The following KDM8 variants were observed in gnomAD, a reference collection of about 807,000 sequenced individuals.
KDM8 encodes the protein lysine demethylase 8.
A neutral mutation model predicts 46.9 loss-of-function variants in KDM8; 35 were observed. That is an observed-to-expected ratio of 0.75 (90% CI 0.57 to 0.99). The LOEUF is 0.99. KDM8 is among the 50% of genes least tolerant of loss of function. KDM8 has a pLI of 0.00. For missense variants in KDM8, 475 were observed against 537.0 expected (o/e 0.88, Z 1.14); for synonymous variants, 232 against 227.7 (o/e 1.02, Z -0.17).
chr16:27,218,572 T>C (rs1241596508), intron 5 of KDM8, among the ~76,000 whole-genome samples: 1 of 152,236 alleles, frequency 6.6e-6, no homozygotes, highest in Admixed American at 6.5e-5. Context: ...CCGGGTGCGG[T>C]GGCTCACGCC....
Position 27,210,185 on chromosome 16 carries a change from C to T in KDM8, c.62C>T (p.Ala21Val), listed in dbSNP as rs2083467375. 1 of 1,613,416 alleles carries T rather than the reference C, an allele frequency of 6.2e-7. No individual in the cohort carries two copies. The highest frequency in any genetic ancestry group is 8.5e-7 in the Non-Finnish European group (1 of 1,180,032). Residue 21 changes from alanine (A) to valine (V), a missense_variant, in exon 2 of 8, where the codon GCC (alanine) becomes GTC (valine). Transcript: ENST00000286096. The stretch of plus-strand genomic sequence containing the variant: ...GCCAGAGAAGGCACTTTATGGGAGG[C>T]CCTCAGGGCGCTCCTGCCGCACAGT... ...PLAREGTLWE[A>V]LRALLPHSKE...
intron 6 of KDM8, 21 bp downstream of exon 6, chr16:27,219,131 A>AGT (rs748499203): frequency 2.5e-6 from 4 of 1,588,414 alleles, no homozygotes; most frequent in Non-Finnish European, 3.4e-6. Context: ...CAGCTGGAAT[A>AGT]GTGGCCTTCT....
chr16:27,213,141 T>C (rs1480700152), intron 2 of KDM8, among the ~76,000 whole-genome samples: 1 of 152,118 alleles, frequency 6.6e-6, no homozygotes, highest in Non-Finnish European at 1.5e-5. Flanking sequence ...AAACTGCTTT[T>C]GATAAATGAT....
chr16:27,217,511 C>G (rs1014374334), intron 5 of KDM8, among the ~76,000 whole-genome samples: 1 of 152,228 alleles, frequency 6.6e-6, no homozygotes, highest in Non-Finnish European at 1.5e-5. Context: ...GGAGGAACCC[C>G]TCACAGCCCT....
intron 1 of KDM8, among the ~76,000 whole-genome samples, chr16:27,208,254 C>A (rs930692083): frequency 3.3e-5 from 5 of 152,220 alleles, no homozygotes; most frequent in African/African-American, 1.2e-4. Context: ...CATGAGGCCA[C>A]CCTGGGAGGC....
Position 27,220,570 on chromosome 16 carries a change from A to T in KDM8, c.1091A>T (p.Asp364Val). The change falls in exon 8 of 8, where the codon GAC (aspartate) becomes GTC (valine). Residue 364 changes from aspartate to valine, a missense_variant. By Grantham distance (152) the Asp-to-Val change is radical. Coordinates refer to ENST00000286096, the MANE Select transcript of KDM8 (RefSeq NM_024773.3). ...THLLHNTSQV[D>V]VENPDLEKFP... Reference sequence around the variant, plus strand: ...GACGTCCTTTGCTTTCTTCAGGTTGACGTGGAGAATCCCGACCTGGAAAAG... The same window carrying T: ...GACGTCCTTTGCTTTCTTCAGGTTGTCGTGGAGAATCCCGACCTGGAAAAG... The T allele has an allele frequency of 6.2e-7, 1 of 1,614,056 alleles. No individual in the cohort carries two copies. Among genetic ancestry groups the T allele is most frequent in the Non-Finnish European group, 8.5e-7 (1 of 1,180,002 alleles).
At chr16:27,217,098 C>G (rs1166864055) in intron 5 of KDM8, among the ~76,000 whole-genome samples, 1 of 152,178 alleles carries the variant, frequency 6.6e-6, no homozygotes, top group African/African-American at 2.4e-5. Flanking sequence ...GAGTGTCTAC[C>G]ATGCTGTGGA....
In KDM8 at chr16:27,206,791, C is replaced by T. The variant is rs62028350; in HGVS notation, c.-32+3155C>T. Among the ~76,000 whole-genome samples the T allele has an allele frequency of 8.9e-3, 1,350 of 152,270 alleles. 6 individuals are homozygous for T. The highest frequency in any genetic ancestry group is 0.031 in the Middle Eastern group (9 of 292). ...GCAGTGACCTGTGGCTCGCACCTGACCTTCCCAGGAGGGCCATCTCAAGTG... is the reference window on the plus strand; with the variant it reads ...GCAGTGACCTGTGGCTCGCACCTGATCTTCCCAGGAGGGCCATCTCAAGTG... On this transcript the variant is annotated intron_variant, in intron 1 of 7. Transcript: ENST00000286096.
chr16:27,211,439 G>T, intron 2 of KDM8: 1 of 298,154 alleles, frequency 3.4e-6, no homozygotes, highest in Non-Finnish European at 6.7e-6. Flanking sequence ...AACAGAGCAT[G>T]GTTTACTCTG....
chr16:27,215,802 A>G lies in KDM8; in HGVS notation c.799-143A>G, dbSNP rs1273744129. On this transcript the variant is annotated intron_variant, in intron 4 of 7. Transcript: ENST00000286096. ...TCTTTGAAGCTGCCCCAGGGCCTCT[A>G]AGGGTTGGAGAGGACCACTCAGGAT... 1.2e-5 allele frequency: 10 copies of G among 823,218 alleles called. No individual in the cohort carries two copies. The East Asian group carries it at 2.2e-4, about 18-fold the overall frequency. 51.0% of individuals were successfully genotyped at this position (823,218 alleles called of 1,614,324 possible). A position where few individuals can be genotyped will look rare whatever the true frequency, so the allele number is the denominator to read the frequency against.
chr16:27,220,511 G>A (rs185632171), intron 7 of KDM8, 26 bp downstream of exon 7: 10 of 1,613,606 alleles, frequency 6.2e-6, no homozygotes, highest in East Asian at 4.5e-5. Context: ...CTGGGGTGAC[G>A]TTGCAGGTTC....
intron 5 of KDM8, 73 bp downstream of exon 5, chr16:27,216,062 C>A: frequency 6.6e-7 from 1 of 1,522,828 alleles, no homozygotes; most frequent in Non-Finnish European, 9.1e-7. Context: ...GGGCTCAGTG[C>A]GGCTGGAGCA....
chr16:27,218,195 T>G (rs1193377849), intron 5 of KDM8, among the ~76,000 whole-genome samples: 1 of 151,850 alleles, frequency 6.6e-6, no homozygotes, highest in Non-Finnish European at 1.5e-5. Context: ...GGCAGGAGGA[T>G]CGCTTAAGCT....
chr16:27,220,031 A>G (rs768344180), intron 6 of KDM8, among the ~76,000 whole-genome samples: 2 of 152,124 alleles, frequency 1.3e-5, no homozygotes, highest in Non-Finnish European at 2.9e-5. Flanking sequence ...CCTGGGCAAC[A>G]TATTAAAACC....
intron 1 of KDM8, among the ~76,000 whole-genome samples, chr16:27,206,762 A>G (rs1321801045): frequency 6.6e-6 from 1 of 152,224 alleles, no homozygotes; most frequent in Non-Finnish European, 1.5e-5. Context: ...GGCCATTCAG[A>G]AAGGCAGTGA....
At chr16:27,204,043 C>T (rs2083403373) in intron 1 of KDM8, 1 of 1,503,944 alleles carries the variant, frequency 6.6e-7, no homozygotes, top group Non-Finnish European at 9.0e-7. Context: ...CAGCCGCTGC[C>T]CCTGGGCCGC....
At chr16:27,203,801 C>CT in intron 1 of KDM8, 165 bp downstream of exon 1, 1 of 378,588 alleles carries the variant, frequency 2.6e-6, no homozygotes, top group South Asian at 5.4e-5. Context: ...CGCATGCGCT[C>CT]TGAGAATGCA....
rs1596661817 is a variant in KDM8, at chr16:27,220,883, G to T, written c.*153G>T. 3 of 886,400 alleles carry T rather than the reference G, an allele frequency of 3.4e-6. No homozygotes were observed. Among genetic ancestry groups the T allele is most frequent in the Non-Finnish European group, 5.5e-6 (3 of 546,680 alleles). The allele number at this position is 886,400 out of a possible 1,614,324, so 54.9% of individuals were successfully genotyped here. ...GGCAGCCCTGGGGGGCTGAGCTCCA[G>T]CACTGGACAGGCACAGAGCAGGGGC... On this transcript the variant is annotated 3_prime_UTR_variant, in exon 8 of 8. Transcript: ENST00000286096.
At chr16:27,206,066 A>AGCCAAGC in intron 1 of KDM8, 1 of 170,162 alleles carries the variant, frequency 5.9e-6, no homozygotes, top group Non-Finnish European at 1.2e-5. Context: ...TGACCCACCT[A>AGCCAAGC]TACCTGGCCA....
Sources: gnomAD v4.1 joint callset for allele counts (sites outside exome capture counted in the v4.1 genomes callset) on GRCh38, gnomAD v4.1.1 for gene constraint, MANE v1.5 for transcripts, NCBI Gene and HGNC (gene_info 2026-07-23, HGNC 2026-07-21) for gene names.